Variants in PATL2 observed in about 807,000 individuals in gnomAD.
PATL2 encodes the protein protein PAT1 homolog 2.
PATL2 carries 73 observed loss-of-function variants against 77.0 expected under a neutral mutation model. The ratio of observed to expected loss-of-function variants is 0.95; its 90% CI spans 0.78 to 1.15. The LOEUF (loss-of-function observed/expected upper bound fraction) is 1.15. Among genes scored for constraint, PATL2 ranks in the 50% most tolerant of loss-of-function variants. The pLI is 0.00. For missense variants in PATL2, 618 were observed against 655.4 expected, an observed-to-expected ratio of 0.94 and a Z score of 0.62; for synonymous variants, 265 against 257.1, an observed-to-expected ratio of 1.03 and a Z score of -0.29.
rs776676817 is a variant in PATL2 at position 44,673,341 on chromosome 15, T to C, written c.340A>G (p.Thr114Ala). Reference sequence around the variant, plus strand: ...GCTGGAGAGCTGGTGCTGGGAAATGTAGGCCAGAAAGGGATGGGCGACAGG... The same window carrying C: ...GCTGGAGAGCTGGTGCTGGGAAATGCAGGCCAGAAAGGGATGGGCGACAGG... ...DYLSPIPFWP[T>A]FPSTSSPAQH... Residue 114 changes from threonine (T) to alanine (A), a missense_variant, in exon 7 of 18, where the codon ACA (threonine) becomes GCA (alanine). Thr to Ala is a moderately conservative substitution (Grantham distance 58, BLOSUM62 0). Coordinates refer to ENST00000682850, the MANE Select transcript of PATL2 (RefSeq NM_001387263.1). 3 of 1,551,496 alleles carry C rather than the reference T, an allele frequency of 1.9e-6. No homozygotes were observed. Among genetic ancestry groups the C allele is most frequent in the Non-Finnish European group, 2.6e-6 (3 of 1,146,946 alleles).
intron 12 of PATL2, 29 bp from the exon 13 acceptor site, chr15:44,669,442 T>G: frequency 6.5e-7 from 1 of 1,547,942 alleles, no homozygotes; most frequent in Non-Finnish European, 8.7e-7. Flanking sequence ...AAAAAAGAGG[T>G]AAATTTGGGT....
chr15:44,691,984 G>A (rs1465347664), intron 3 of PATL2, among the ~76,000 whole-genome samples: 1 of 152,046 alleles, frequency 6.6e-6, no homozygotes, highest in African/African-American at 2.4e-5. Flanking sequence ...GAAAAACTGC[G>A]AACATCTTCA....
At position 44,669,831 on chromosome 15, in the gene PATL2, T is replaced by C. The variant is rs769594665; in HGVS notation, c.822A>G (p.Thr274=). 1.2e-5 allele frequency: 19 copies of C among 1,551,516 alleles called. No homozygotes were observed. In the African/African-American group the frequency reaches 1.9e-4, roughly 16 times the overall value. The part of the protein sequence containing the change: ...EGSLGQVAVS[T]CFSPRRAIDA... ...CAATAGCTCGGCGAGGGCTGAAGCATGTCGACACAGCTACCTGGCCCAGGG... is the reference window on the plus strand; with the variant it reads ...CAATAGCTCGGCGAGGGCTGAAGCACGTCGACACAGCTACCTGGCCCAGGG... Residue 274 remains threonine (T), a synonymous_variant, in exon 11 of 18, where the codon ACA becomes ACG. Coordinates refer to ENST00000682850, the MANE Select transcript of PATL2 (RefSeq NM_001387263.1).
At position 44,688,277 on chromosome 15, in the gene PATL2, A is replaced by G. The variant is rs1167449146; in HGVS notation, c.-75-11712T>C. On this transcript the variant is annotated intron_variant, in intron 3 of 17. Coordinates refer to ENST00000682850, the MANE Select transcript of PATL2 (RefSeq NM_001387263.1). ...AAAAAAAAAAACTAGCTAAATAATA[A>G]TAATAATAAAAAAAATGCTATCCCC... Among the ~76,000 whole-genome samples, 3 of 151,504 alleles carry G rather than the reference A, an allele frequency of 2.0e-5. No homozygotes were observed. In the South Asian group the frequency reaches 6.2e-4, roughly 32 times the overall value.
In PATL2 at chr15:44,682,782, T is replaced by A. The variant is rs981429480; in HGVS notation, c.-75-6217A>T. ...AGCAAAGATTTAAACATAAAAAAAATCTCAAAACGGTGGCTGGCAAGATGG... is the reference window on the plus strand; with the variant it reads ...AGCAAAGATTTAAACATAAAAAAAAACTCAAAACGGTGGCTGGCAAGATGG... On this transcript the variant is annotated intron_variant, in intron 3 of 17. Transcript: ENST00000682850. Among the ~76,000 whole-genome samples, 24 of 152,198 alleles carry A rather than the reference T, an allele frequency of 1.6e-4. No individual in the cohort carries two copies. The Middle Eastern group carries it at 0.01, about 65-fold the overall frequency.
intron 4 of PATL2, chr15:44,676,176 C>T: frequency 4.5e-6 from 2 of 441,918 alleles, no homozygotes; most frequent in Non-Finnish European, 4.2e-6. Context: ...GAACAAGTTC[C>T]ACCTGCCCTG....
intron 3 of PATL2, among the ~76,000 whole-genome samples, chr15:44,687,062 G>C (rs1489433083): frequency 1.3e-5 from 2 of 152,158 alleles, no homozygotes; most frequent in Non-Finnish European, 2.9e-5. Flanking sequence ...GATGAGGCCA[G>C]CATCATCCTG....
rs79482768 is a variant in PATL2 at position 44,672,197 on chromosome 15, C to T, written c.516-41G>A. ...AACAACCCTTTAGACTTACCCACCACTGGCACTTCCTAAGGAGTGTGGTGA... is the reference window on the plus strand; with the variant it reads ...AACAACCCTTTAGACTTACCCACCATTGGCACTTCCTAAGGAGTGTGGTGA... On this transcript the variant is annotated intron_variant, in intron 8 of 17. Coordinates refer to ENST00000682850, the MANE Select transcript of PATL2 (RefSeq NM_001387263.1). 2.0e-4 allele frequency: 304 copies of T among 1,551,526 alleles called. 4 individuals are homozygous for T. In the East Asian group the frequency reaches 6.8e-3, roughly 35 times the overall value.
chr15:44,693,340 T>C (rs927051101), intron 3 of PATL2, among the ~76,000 whole-genome samples: 9 of 152,338 alleles, frequency 5.9e-5, no homozygotes, highest in African/African-American at 1.9e-4. Flanking sequence ...GGAGACTCTA[T>C]GGGAGAACCC....
At chr15:44,684,868 A>T (rs541453026) in intron 3 of PATL2, among the ~76,000 whole-genome samples, 2 of 152,346 alleles carry the variant, frequency 1.3e-5, no homozygotes, top group South Asian at 2.1e-4. Context: ...TTACCCAGAA[A>T]GGTAAGTCCA....
At chr15:44,668,884 T>C in intron 14 of PATL2, 96 bp downstream of exon 14, 1 of 1,383,706 alleles carries the variant, frequency 7.2e-7, no homozygotes, top group South Asian at 1.6e-5. Context: ...CCCAGCACCT[T>C]CTCTGGCATC....
At chr15:44,699,453 C>T (rs932337669) in intron 3 of PATL2, among the ~76,000 whole-genome samples, 4 of 152,118 alleles carry the variant, frequency 2.6e-5, no homozygotes, top group Non-Finnish European at 4.4e-5. Context: ...ATTCCCATGC[C>T]GCAGTCTCTT....
rs1303565182 is a variant in PATL2 at position 44,675,825 on chromosome 15, G to A, written c.17-134C>T. On this transcript the variant is annotated intron_variant, in intron 4 of 17. Coordinates refer to ENST00000682850, the MANE Select transcript of PATL2 (RefSeq NM_001387263.1). ...ACCACCTTTGAACATAACGCCTCCT[G>A]TTCTGTGGGTTTAACTCGGCCTCCC... 15 of 747,030 alleles carry A rather than the reference G, an allele frequency of 2.0e-5. 1 individual carries two copies. The highest frequency in any genetic ancestry group is 8.0e-5 in the South Asian group (4 of 50,302). 46.3% of individuals were successfully genotyped at this position (747,030 alleles called of 1,614,324 possible). A position where few individuals can be genotyped will look rare whatever the true frequency, so the allele number is the denominator to read the frequency against.
intron 3 of PATL2, among the ~76,000 whole-genome samples, chr15:44,702,566 A>G (rs556794609): frequency 6.6e-6 from 1 of 151,852 alleles, no homozygotes; most frequent in South Asian, 2.1e-4. Context: ...GTTCTTTGAA[A>G]TGCATCATTA....
At position 44,676,813 on chromosome 15, in the gene PATL2, C is replaced by G. The variant is rs947417651; in HGVS notation, c.-75-248G>C. On this transcript the variant is annotated intron_variant, in intron 3 of 17. Coordinates refer to ENST00000682850, the MANE Select transcript of PATL2 (RefSeq NM_001387263.1). ...AGCAGGAAGAGAAGTACTTCCCAACCGACATCACCAGTCACCGTCCGAGTG... is the reference window on the plus strand; with the variant it reads ...AGCAGGAAGAGAAGTACTTCCCAACGGACATCACCAGTCACCGTCCGAGTG... The G allele has an allele frequency of 5.2e-6, 6 of 1,157,002 alleles. No homozygotes were observed. In the East Asian group the frequency reaches 1.7e-4, roughly 33 times the overall value. The allele number at this position is 1,157,002 out of a possible 1,614,324, so 71.7% of individuals were successfully genotyped here.
chr15:44,687,694 G>A (rs2086291411), intron 3 of PATL2, among the ~76,000 whole-genome samples: 1 of 152,184 alleles, frequency 6.6e-6, no homozygotes, highest in African/African-American at 2.4e-5. Flanking sequence ...AAGCTGATAA[G>A]CAATTTCAGC....
At chr15:44,673,129 C>G in intron 7 of PATL2, 106 bp downstream of exon 7, 8 of 1,367,564 alleles carry the variant, frequency 5.8e-6, no homozygotes, top group Non-Finnish European at 7.9e-6. Context: ...CCTCAGACTT[C>G]TCTTACTAGT....
chr15:44,707,357 C>T (rs901045338), intron 3 of PATL2, among the ~76,000 whole-genome samples: 9 of 152,098 alleles, frequency 5.9e-5, no homozygotes, highest in Admixed American at 5.9e-4. Context: ...TAAGCCTGCA[C>T]GTCTCTGAGT....
At position 44,702,207 on chromosome 15, in the gene PATL2, C is replaced by G. The variant is rs188058500; in HGVS notation, c.-76+7889G>C. 2.0e-5 allele frequency among the ~76,000 whole-genome samples: 3 copies of G among 152,154 alleles called. No individual in the cohort carries two copies. The East Asian group carries it at 5.8e-4, about 29-fold the overall frequency. ...TCTGGTTTTGGATTTCTTCAAGGTT[C>G]GATCTTGGCAGGTTGTATGTGTCTA... On this transcript the variant is annotated intron_variant, in intron 3 of 17. Coordinates refer to ENST00000682850, the MANE Select transcript of PATL2 (RefSeq NM_001387263.1).
Sources: allele counts gnomAD v4.1 joint callset (sites outside exome capture counted in the v4.1 genomes callset), GRCh38; gene constraint gnomAD v4.1.1; transcripts MANE v1.5; gene names NCBI Gene and HGNC (gene_info 2026-07-23, HGNC 2026-07-21).